The following PIK3R5 variants were observed in gnomAD, a reference collection of about 807,000 sequenced individuals.
PIK3R5 encodes phosphoinositide-3-kinase regulatory subunit 5.
Under a neutral mutation model 94.9 loss-of-function variants are expected in PIK3R5, and 32 were observed. That is an observed-to-expected ratio of 0.34 (90% CI 0.25 to 0.45). PIK3R5 has a LOEUF of 0.45. Among genes scored for constraint, PIK3R5 ranks in the 20% least tolerant of loss-of-function variants. The pLI, the probability that PIK3R5 is intolerant of heterozygous loss-of-function variation, is 1.00. For missense variants in PIK3R5, 853 were observed against 1,144.6 expected (o/e 0.75, Z 3.68); for synonymous variants, 443 against 479.4 (o/e 0.92, Z 0.99).
rs1289501694 is a variant in PIK3R5, at chr17:8,887,503, C to A, written c.1779+18G>T. 1.3e-6 allele frequency: 2 copies of A among 1,594,766 alleles called. No homozygotes were observed. The highest frequency in any genetic ancestry group is 1.7e-6 in the Non-Finnish European group (2 of 1,170,390). ...GAACTCTACTTTCCCCGACCATTGGCCCAGGCTGGGGACATACTCCAGGGC... is the reference window on the plus strand; with the variant it reads ...GAACTCTACTTTCCCCGACCATTGGACCAGGCTGGGGACATACTCCAGGGC... On this transcript the variant is annotated intron_variant, in intron 11 of 18. Transcript: ENST00000447110.
At chr17:8,912,220 T>C (rs1400873777) in intron 1 of PIK3R5, among the ~76,000 whole-genome samples, 1 of 152,114 alleles carries the variant, frequency 6.6e-6, no homozygotes, top group African/African-American at 2.4e-5. Flanking sequence ...TAGCCCCGTA[T>C]GGGGAACTGA....
chr17:8,891,055 A>T, intron 6 of PIK3R5, 143 bp from the exon 7 acceptor site: 1 of 717,672 alleles, frequency 1.4e-6, no homozygotes, highest in Non-Finnish European at 2.3e-6. Context: ...AGGTGACCAC[A>T]GGAGGCCAGG....
At chr17:8,899,338 G>A (rs427554) in intron 5 of PIK3R5, among the ~76,000 whole-genome samples, 23,480 of 152,124 alleles carry the variant, frequency 0.15, 2,105 homozygotes, top group African/African-American at 0.23. Context: ...AAGACTTCAC[G>A]GGGGGAGGGC....
chr17:8,879,364 C>T lies in PIK3R5; in HGVS notation c.*1275G>A, dbSNP rs1261826203. The T allele has an allele frequency of 6.6e-6, 1 of 152,224 alleles. No individual in the cohort carries two copies. Among genetic ancestry groups the T allele is most frequent in the African/African-American group, 2.4e-5 (1 of 41,468 alleles). The allele number at this position is 152,224 out of a possible 1,614,324, so 9.4% of individuals were successfully genotyped here. A position where few individuals can be genotyped will look rare whatever the true frequency, so the allele number is the denominator to read the frequency against. ...GCTTTGAATTTCAGACTCTCGTGTC[C>T]TATCCTAGGCTGACCATTTCCCATG... On this transcript the variant is annotated 3_prime_UTR_variant, in exon 19 of 19. Coordinates refer to ENST00000447110, the MANE Select transcript of PIK3R5 (RefSeq NM_001142633.3). This position sits in a 1 kb window ranked among gnomAD's most constrained non-coding sequence, Gnocchi z 4.4.
intron 1 of PIK3R5, among the ~76,000 whole-genome samples, chr17:8,912,711 C>A (rs2041233535): frequency 6.6e-6 from 1 of 152,238 alleles, no homozygotes; most frequent in African/African-American, 2.4e-5. Flanking sequence ...CTGAGCCATG[C>A]AGATGACATA....
Position 8,881,562 on chromosome 17 carries a change from C to T in PIK3R5, c.2382+68G>A. 1.7e-6 allele frequency: 2 copies of T among 1,207,426 alleles called. No individual in the cohort carries two copies. Among genetic ancestry groups the T allele is most frequent in the Non-Finnish European group, 2.4e-6 (2 of 829,916 alleles). 74.8% of individuals were successfully genotyped at this position (1,207,426 alleles called of 1,614,324 possible). On this transcript the variant is annotated intron_variant, in intron 17 of 18. Coordinates refer to ENST00000447110, the MANE Select transcript of PIK3R5 (RefSeq NM_001142633.3). This position sits in a 1 kb window ranked among gnomAD's most constrained non-coding sequence, Gnocchi z 4.8. ...ACATACATGTGCACACACACGTACA[C>T]ACATACGCACATGCACGCTCCAGTA...
Position 8,884,637 on chromosome 17 carries a change from G to A in PIK3R5, c.2205+70C>T. 2 of 1,268,592 alleles carry A rather than the reference G, an allele frequency of 1.6e-6. No individual in the cohort carries two copies. Among genetic ancestry groups the A allele is most frequent in the Non-Finnish European group, 2.3e-6 (2 of 874,346 alleles). 78.6% of individuals were successfully genotyped at this position (1,268,592 alleles called of 1,614,324 possible). A position where few individuals can be genotyped will look rare whatever the true frequency, so the allele number is the denominator to read the frequency against. On this transcript the variant is annotated intron_variant, in intron 15 of 18. Coordinates refer to ENST00000447110, the MANE Select transcript of PIK3R5 (RefSeq NM_001142633.3). The surrounding 1 kb of genome is among the most constrained non-coding windows in gnomAD (Gnocchi z 5.8). ...CAGGAACACACGAGTCCAGCTCTGG[G>A]TCCAAGCTCTGGCGGAGGAAGTATC...
chr17:8,895,910 T>C (rs2090142214), intron 5 of PIK3R5, among the ~76,000 whole-genome samples: 2 of 152,076 alleles, frequency 1.3e-5, no homozygotes, highest in Non-Finnish European at 2.9e-5. Flanking sequence ...GATCATCAGA[T>C]AAACTCCCGC....
At chr17:8,954,364 C>T (rs546626126) in intron 1 of PIK3R5, among the ~76,000 whole-genome samples, 3 of 152,224 alleles carry the variant, frequency 2.0e-5, no homozygotes, top group Admixed American at 1.3e-4. Flanking sequence ...TGGTGATGTT[C>T]GAAGAATCTC....
intron 1 of PIK3R5, among the ~76,000 whole-genome samples, chr17:8,929,121 A>T (rs1041419370): frequency 2.0e-5 from 3 of 152,232 alleles, no homozygotes; most frequent in Admixed American, 6.5e-5. Flanking sequence ...CAGATAAAAT[A>T]AAAAATGAAT....
chr17:8,888,518 C>A lies in PIK3R5; in HGVS notation c.1269G>T (p.Arg423Ser), dbSNP rs995986642. 1.9e-6 allele frequency: 3 copies of A among 1,611,098 alleles called. No individual in the cohort carries two copies. In the Admixed American group the frequency reaches 5.0e-5, roughly 27 times the overall value. The change falls in exon 10 of 19, where the codon AGG (arginine) becomes AGT (serine). Residue 423 changes from arginine to serine, a missense_variant. Arg to Ser is a moderately radical substitution (Grantham distance 110). This residue lies in a region of PIK3R5 where 319 missense variants were observed against 339.8 expected (regional missense o/e 0.94). Transcript: ENST00000447110. The surrounding 1 kb of genome is among the most constrained non-coding windows in gnomAD (Gnocchi z 7.8). Reference protein sequence around the residue: ...GHRRPGQKFIRIYKLFKSTSQ... With the variant: ...GHRRPGQKFISIYKLFKSTSQ... ...TGGTGCTCTTGAAGAGTTTATAGATCCTGATGAACTTCTGCCCAGGCCTGC... is the reference window on the plus strand; with the variant it reads ...TGGTGCTCTTGAAGAGTTTATAGATACTGATGAACTTCTGCCCAGGCCTGC...
In PIK3R5 at chr17:8,902,158, C is replaced by G. The variant is rs145889654; in HGVS notation, c.412+2619G>C. Among the ~76,000 whole-genome samples the G allele has an allele frequency of 2.9e-3, 425 of 148,116 alleles. 3 individuals carry two copies. Among genetic ancestry groups the G allele is most frequent in the African/African-American group, 0.01 (401 of 39,838 alleles). On this transcript the variant is annotated intron_variant, in intron 5 of 18. Transcript: ENST00000447110. ...ATTTTGGGGGGTTCTTTTTGATGTACTTGAATCATATTTATTCATATTTCC... is the reference window on the plus strand; with the variant it reads ...ATTTTGGGGGGTTCTTTTTGATGTAGTTGAATCATATTTATTCATATTTCC...
At chr17:8,928,701 G>GGA (rs2090934512) in intron 1 of PIK3R5, among the ~76,000 whole-genome samples, 1 of 152,134 alleles carries the variant, frequency 6.6e-6, no homozygotes, top group Non-Finnish European at 1.5e-5. Context: ...ACTCTCAGAG[G>GGA]GAGAAAAACT....
At position 8,881,672 on chromosome 17, in the gene PIK3R5, C is replaced by T. The variant is rs2089665481; in HGVS notation, c.2340G>A (p.Val780=). 1 of 1,613,778 alleles carries T rather than the reference C, an allele frequency of 6.2e-7. No individual in the cohort carries two copies. Among genetic ancestry groups the T allele is most frequent in the Non-Finnish European group, 8.5e-7 (1 of 1,179,866 alleles). The part of the protein sequence containing the change: ...MEALTLNLTE[V]VKRQNSKSKK... ...TGGATTTGGAGTTCTGCCTTTTCACCACTTCTGTCAGGTTTAGCGTCAGGG... is the reference window on the plus strand; with the variant it reads ...TGGATTTGGAGTTCTGCCTTTTCACTACTTCTGTCAGGTTTAGCGTCAGGG... Residue 780 remains valine, a synonymous_variant, in exon 17 of 19, where the codon GTG becomes GTA. Transcript: ENST00000447110. The surrounding 1 kb of genome is among the most constrained non-coding windows in gnomAD (Gnocchi z 4.8).
At chr17:8,947,779 C>T (rs1377338772) in intron 1 of PIK3R5, among the ~76,000 whole-genome samples, 1 of 152,112 alleles carries the variant, frequency 6.6e-6, no homozygotes, top group Admixed American at 6.5e-5. Context: ...TGCGGTGGCT[C>T]ATGCCTGTAA....
In PIK3R5 at chr17:8,884,995, C is replaced by T. The variant is rs61761114; in HGVS notation, c.2129-212G>A. 8,066 of 569,744 alleles carry T rather than the reference C, an allele frequency of 0.014. 516 individuals are homozygous for T. The highest frequency in any genetic ancestry group is 0.14 in the African/African-American group (7,114 of 52,512). 35.3% of individuals were successfully genotyped at this position (569,744 alleles called of 1,614,324 possible). A position where few individuals can be genotyped will look rare whatever the true frequency, so the allele number is the denominator to read the frequency against. On this transcript the variant is annotated intron_variant, in intron 14 of 18. Coordinates refer to ENST00000447110, the MANE Select transcript of PIK3R5 (RefSeq NM_001142633.3). The surrounding 1 kb of genome is among the most constrained non-coding windows in gnomAD (Gnocchi z 5.8). ...TCAGTGACCCCATCACTCCAGGGCCCATCTCCGCTGTGATCACACATTCCC... is the reference window on the plus strand; with the variant it reads ...TCAGTGACCCCATCACTCCAGGGCCTATCTCCGCTGTGATCACACATTCCC...
At chr17:8,912,017 A>C (rs1036845741) in intron 1 of PIK3R5, 1 of 152,546 alleles carries the variant, frequency 6.6e-6, no homozygotes, top group African/African-American at 2.4e-5. Flanking sequence ...TTGGGTGCCC[A>C]GGTCACAGGC....
At chr17:8,918,752 A>G (rs906654514) in intron 1 of PIK3R5, among the ~76,000 whole-genome samples, 7 of 152,238 alleles carry the variant, frequency 4.6e-5, no homozygotes, top group African/African-American at 1.7e-4. Flanking sequence ...AGGGGAAAAC[A>G]AGAACTTCTC....
chr17:8,928,534 GA>G (rs1897310724), intron 1 of PIK3R5, among the ~76,000 whole-genome samples: 1 of 152,184 alleles, frequency 6.6e-6, no homozygotes, highest in African/African-American at 2.4e-5. Context: ...TATCTTAGAT[GA>G]AATATAATTT....
Sources: allele counts gnomAD v4.1 joint callset (sites outside exome capture counted in the v4.1 genomes callset), GRCh38; gene constraint gnomAD v4.1.1; regional missense constraint gnomAD v4.1.1; non-coding constraint Gnocchi (gnomAD v3.1); transcripts MANE v1.5; gene names NCBI Gene and HGNC (gene_info 2026-07-23, HGNC 2026-07-21).